The following EPB41L4B variants were observed in gnomAD, a reference collection of about 807,000 sequenced individuals.
EPB41L4B encodes the protein band 4.1-like protein 4B.
In EPB41L4B, 30 loss-of-function variants were observed where a neutral mutation model predicts 112.5. The ratio of observed to expected loss-of-function variants is 0.27; its 90% CI spans 0.20 to 0.36. The LOEUF (loss-of-function observed/expected upper bound fraction) is 0.36. Among genes scored for constraint, EPB41L4B ranks in the 10% least tolerant of loss-of-function variants. The pLI is 1.00. For synonymous variants in EPB41L4B, 408 were observed against 439.7 expected, an observed-to-expected ratio of 0.93 and a Z score of 0.90; for missense variants, 1,024 against 1,133.3, an observed-to-expected ratio of 0.90 and a Z score of 1.38.
intron 17 of EPB41L4B, among the ~76,000 whole-genome samples, chr9:109,213,467 C>G (rs1233751279): frequency 6.6e-6 from 1 of 152,216 alleles, no homozygotes; most frequent in Non-Finnish European, 1.5e-5. Flanking sequence ...ACAAACAGAT[C>G]TAGCCTGTCA....
chr9:109,307,497 T>G (rs1333791793), intron 1 of EPB41L4B, among the ~76,000 whole-genome samples: 1 of 152,188 alleles, frequency 6.6e-6, no homozygotes, highest in Admixed American at 6.5e-5. Context: ...CAAGCCAGCT[T>G]GGGCCCCTCC....
At chr9:109,237,456 TGA>T (rs1424725825) in intron 15 of EPB41L4B, among the ~76,000 whole-genome samples, 1 of 152,156 alleles carries the variant, frequency 6.6e-6, no homozygotes, top group Non-Finnish European at 1.5e-5. Flanking sequence ...TATGGAATAG[TGA>T]GTGTGGTTTT....
At chr9:109,203,603 A>G in intron 19 of EPB41L4B, 60 bp downstream of exon 19, 1 of 1,353,020 alleles carries the variant, frequency 7.4e-7, no homozygotes, top group South Asian at 1.2e-5. Context: ...GCAATGTTTC[A>G]AGGATAATGT....
At position 109,242,024 on chromosome 9, in the gene EPB41L4B, T is replaced by C. The variant is rs148144213; in HGVS notation, c.1409+1594A>G. Among the ~76,000 whole-genome samples, 594 of 152,262 alleles carry C rather than the reference T, an allele frequency of 3.9e-3. 4 individuals carry two copies. The highest frequency in any genetic ancestry group is 4.2e-3 in the Non-Finnish European group (286 of 68,018). Reference sequence around the variant, plus strand: ...AACTTCCAAGCAGAGCAAGGGTCTGTCTATGGTCAAGTCATCATTTCTCAA... The same window carrying C: ...AACTTCCAAGCAGAGCAAGGGTCTGCCTATGGTCAAGTCATCATTTCTCAA... On this transcript the variant is annotated intron_variant, in intron 15 of 25. Transcript: ENST00000374566.
intron 13 of EPB41L4B, among the ~76,000 whole-genome samples, chr9:109,249,108 G>A (rs1316143510): frequency 6.6e-6 from 1 of 150,566 alleles, no homozygotes; most frequent in Admixed American, 6.6e-5. Context: ...TATGGACAGA[G>A]CAGGCAATCA....
chr9:109,268,011 C>A (rs1032607873), intron 3 of EPB41L4B, among the ~76,000 whole-genome samples: 1 of 152,184 alleles, frequency 6.6e-6, no homozygotes, highest in African/African-American at 2.4e-5. Flanking sequence ...CACACCTGTA[C>A]ATTGAGAAAG....
rs1219792755 is a variant in EPB41L4B, at chr9:109,267,557, C to T, written c.455-6G>A. On this transcript the variant is annotated splice_region_variant and splice_polypyrimidine_tract_variant and intron_variant, in intron 3 of 25. Transcript: ENST00000374566. ...TAAAGCATAAGCAGGTCCAACTAAA[C>T]ATTTGGAGATGGAAGGTTGAAGATG... 1 of 1,587,828 alleles carries T rather than the reference C, an allele frequency of 6.3e-7. No homozygotes were observed.
intron 1 of EPB41L4B, among the ~76,000 whole-genome samples, chr9:109,287,518 T>G (rs954227285): frequency 6.6e-6 from 1 of 152,242 alleles, no homozygotes; most frequent in Non-Finnish European, 1.5e-5. Flanking sequence ...GTATACATCC[T>G]ACTTGTGAAG....
At chr9:109,178,889 C>A (rs1831943053) in intron 24 of EPB41L4B, among the ~76,000 whole-genome samples, 2 of 99,844 alleles carry the variant, frequency 2.0e-5, no homozygotes, top group Non-Finnish European at 1.8e-5. Context: ...TCTTGATTGC[C>A]ATATACTTCA....
chr9:109,224,223 C>G (rs1037454514), intron 15 of EPB41L4B, among the ~76,000 whole-genome samples: 1 of 151,964 alleles, frequency 6.6e-6, no homozygotes, highest in Admixed American at 6.6e-5. Flanking sequence ...CAGGTCCATG[C>G]AAAAACTTAC....
At chr9:109,226,958 C>A (rs1032210504) in intron 15 of EPB41L4B, among the ~76,000 whole-genome samples, 2 of 151,692 alleles carry the variant, frequency 1.3e-5, no homozygotes, top group Non-Finnish European at 2.9e-5. Context: ...CTTCTCTCAG[C>A]CTCCCGAGTA....
At chr9:109,226,695 T>TGAATATATATATGAA (rs1350694125) in intron 15 of EPB41L4B, among the ~76,000 whole-genome samples, 1 of 113,792 alleles carries the variant, frequency 8.8e-6, no homozygotes, top group Non-Finnish European at 1.9e-5. Context: ...AATATATATA[T>TGAATATATATATGAA]GAATATATAT....
chr9:109,283,633 T>C (rs1836157436), intron 1 of EPB41L4B, among the ~76,000 whole-genome samples: 1 of 152,164 alleles, frequency 6.6e-6, no homozygotes, highest in Admixed American at 6.5e-5. Context: ...GTAAACAGAC[T>C]TTAAAGGAAT....
intron 15 of EPB41L4B, among the ~76,000 whole-genome samples, chr9:109,242,681 A>G (rs1254692372): frequency 6.6e-6 from 1 of 152,174 alleles, no homozygotes; most frequent in African/African-American, 2.4e-5. Context: ...GTTTATTTCC[A>G]GCATTTTATT....
chr9:109,205,159 A>G (rs937485138), intron 18 of EPB41L4B, among the ~76,000 whole-genome samples: 2 of 152,234 alleles, frequency 1.3e-5, no homozygotes, highest in Non-Finnish European at 2.9e-5. Flanking sequence ...TTTCATGTGC[A>G]GCATTTCCAG....
chr9:109,182,650 C>T (rs765599762), intron 24 of EPB41L4B, 79 bp downstream of exon 24: 8 of 1,049,990 alleles, frequency 7.6e-6, no homozygotes, highest in Non-Finnish European at 1.2e-5. Context: ...GTTGACCTTG[C>T]TGTCTGGCAT....
chr9:109,240,255 T>C (rs765301581), intron 15 of EPB41L4B: 23 of 985,276 alleles, frequency 2.3e-5, no homozygotes, highest in Non-Finnish European at 2.8e-5. Context: ...ATGCAGCACA[T>C]ACACTGAGCA....
chr9:109,174,501 AAG>A lies in EPB41L4B; in HGVS notation c.*51_*52del. The stretch of plus-strand genomic sequence containing the variant: ...AGAGTGAGCACACAAAGCCCGAAGA[AAG>A]AAGACGGACAGAAGGCACCATGCCA... On this transcript the variant is annotated 3_prime_UTR_variant, in exon 26 of 26. Coordinates refer to ENST00000374566, the MANE Select transcript of EPB41L4B (RefSeq NM_019114.5). The A allele has an allele frequency of 6.6e-7, 1 of 1,522,166 alleles. No homozygotes were observed. The highest frequency in any genetic ancestry group is 9.1e-7 in the Non-Finnish European group (1 of 1,096,100). The allele number at this position is 1,522,166 out of a possible 1,614,324, so 94.3% of individuals were successfully genotyped here. A position where few individuals can be genotyped will look rare whatever the true frequency, so the allele number is the denominator to read the frequency against.
At chr9:109,234,624 G>A (rs529555617) in intron 15 of EPB41L4B, among the ~76,000 whole-genome samples, 7 of 152,316 alleles carry the variant, frequency 4.6e-5, no homozygotes, top group African/African-American at 1.7e-4. Context: ...CAGTATTTGG[G>A]GAGGCCAAGG....
Sources: allele counts gnomAD v4.1 joint callset (sites outside exome capture counted in the v4.1 genomes callset), GRCh38; gene constraint gnomAD v4.1.1; transcripts MANE v1.5; gene names NCBI Gene and HGNC (gene_info 2026-07-23, HGNC 2026-07-21).